Variants in CRYBG1 observed in about 807,000 individuals in gnomAD.
CRYBG1 encodes beta/gamma crystallin domain-containing protein 1.
CRYBG1 carries 139 observed loss-of-function variants against 189.2 expected under a neutral mutation model. That is an observed-to-expected ratio of 0.73 (90% CI 0.64 to 0.85). CRYBG1 has a LOEUF of 0.85. Ranked by LOEUF, CRYBG1 falls within the 40% of genes least tolerant of loss-of-function variation. CRYBG1 has a pLI of 0.00. For synonymous variants in CRYBG1, 1,023 were observed against 1,017.1 expected (o/e 1.01, Z -0.11); for missense variants, 2,611 against 2,675.8 (o/e 0.98, Z 0.53).
intron 2 of CRYBG1, among the ~76,000 whole-genome samples, chr6:106,472,436 T>G (rs1248412767): frequency 6.6e-6 from 1 of 152,212 alleles, no homozygotes; most frequent in Non-Finnish European, 1.5e-5. Context: ...ATGTTTACCA[T>G]TTTGAATAAA....
chr6:106,484,657 T>G (rs376103435), intron 2 of CRYBG1, among the ~76,000 whole-genome samples: 2 of 152,286 alleles, frequency 1.3e-5, no homozygotes, highest in East Asian at 3.9e-4. Context: ...CTTTGGCTAC[T>G]CAGGTTCTTT....
rs993503074 is a variant in CRYBG1, at chr6:106,482,635, C to T, written c.313-28795C>T. Among the ~76,000 whole-genome samples, 12 of 152,064 alleles carry T rather than the reference C, an allele frequency of 7.9e-5. No individual in the cohort carries two copies. In the East Asian group the frequency reaches 9.7e-4, roughly 12 times the overall value. On this transcript the variant is annotated intron_variant, in intron 2 of 21. Transcript: ENST00000633556. ...CTAAAAATACAAAAAATTAGCTGGG[C>T]GTGGTGGCGGGCACCTGTATTCCCA...
chr6:106,369,271 CA>C (rs1375419170), intron 1 of CRYBG1, among the ~76,000 whole-genome samples: 2 of 152,166 alleles, frequency 1.3e-5, no homozygotes, highest in African/African-American at 4.8e-5. Flanking sequence ...ACACAATTAA[CA>C]AGTACCTTTT....
chr6:106,406,329 A>G (rs560697210), intron 1 of CRYBG1, among the ~76,000 whole-genome samples: 28 of 152,144 alleles, frequency 1.8e-4, no homozygotes, highest in Non-Finnish European at 3.5e-4. Flanking sequence ...GATTAGAGGG[A>G]AAAAAAATGA....
At chr6:106,534,526 C>G (rs781100257) in intron 8 of CRYBG1, among the ~76,000 whole-genome samples, 5 of 152,078 alleles carry the variant, frequency 3.3e-5, no homozygotes, top group Admixed American at 6.5e-5. Context: ...CACTGGTTCC[C>G]CTGAACTGGG....
chr6:106,524,393 T>C (rs984031689), intron 4 of CRYBG1, among the ~76,000 whole-genome samples: 10 of 151,920 alleles, frequency 6.6e-5, no homozygotes, highest in African/African-American at 1.7e-4. Flanking sequence ...AAACCCCATC[T>C]CTACTAAAAG....
intron 1 of CRYBG1, among the ~76,000 whole-genome samples, chr6:106,408,770 A>C (rs990650238): frequency 6.6e-6 from 1 of 152,210 alleles, no homozygotes; most frequent in Non-Finnish European, 1.5e-5. Flanking sequence ...AATGACAAAA[A>C]CCACATGATT....
intron 3 of CRYBG1, among the ~76,000 whole-genome samples, chr6:106,517,407 CACACAT>C (rs1773459602): frequency 7.0e-6 from 1 of 142,426 alleles, no homozygotes; most frequent in Non-Finnish European, 1.5e-5. Flanking sequence ...TATATACACA[CACACAT>C]ATATACACAT....
intron 2 of CRYBG1, among the ~76,000 whole-genome samples, chr6:106,493,559 T>C (rs1182971109): frequency 6.6e-6 from 1 of 152,174 alleles, no homozygotes; most frequent in African/African-American, 2.4e-5. Context: ...TGCAGCATTA[T>C]TCACAATAGT....
At position 106,367,584 on chromosome 6, in the gene CRYBG1, TA is replaced by T. The variant is rs35734014; in HGVS notation, c.173+6524del. 1.3e-3 allele frequency among the ~76,000 whole-genome samples: 136 copies of T among 103,398 alleles called. 2 individuals are homozygous for T. The highest frequency in any genetic ancestry group is 2.7e-3 in the African/African-American group (70 of 25,996). 67.8% of individuals were successfully genotyped at this position (103,398 alleles called of 152,430 possible). ...CCTGGCAACAGAGCCAGACTCTGTC[TA>T]AAAAAAAAAAAAAAAAAAAATCAAA... On this transcript the variant is annotated intron_variant, in intron 1 of 21. Coordinates refer to ENST00000633556, the MANE Select transcript of CRYBG1 (RefSeq NM_001371242.2).
chr6:106,489,010 T>A (rs1772655582), intron 2 of CRYBG1, among the ~76,000 whole-genome samples: 1 of 152,166 alleles, frequency 6.6e-6, no homozygotes, highest in Admixed American at 6.5e-5. Flanking sequence ...CCAGCAACTG[T>A]TCACACTGGA....
chr6:106,568,341 C>T (rs1212066750), intron 21 of CRYBG1, 131 bp from the exon 22 acceptor site: 1 of 689,812 alleles, frequency 1.4e-6, no homozygotes. Context: ...CCTGCCTTGC[C>T]TCCTTGAGGC....
chr6:106,469,919 G>C (rs1772195599), intron 2 of CRYBG1, among the ~76,000 whole-genome samples: 1 of 152,212 alleles, frequency 6.6e-6, no homozygotes, highest in East Asian at 1.9e-4. Context: ...AGAGTTATAG[G>C]CAGAGGAGTA....
Position 106,393,433 on chromosome 6 carries a change from C to T in CRYBG1, c.173+32352C>T, listed in dbSNP as rs1358446737. Among the ~76,000 whole-genome samples the T allele has an allele frequency of 4.6e-5, 7 of 152,304 alleles. No individual in the cohort carries two copies. In the South Asian group the frequency reaches 1.2e-3, roughly 27 times the overall value. ...CAAATAAGTTCCCTGGGGCATTCCT[C>T]CTACAGCCGGCTTCCCAGACTCCTC... is the stretch of plus-strand genomic sequence containing the variant. On this transcript the variant is annotated intron_variant, in intron 1 of 21. Transcript: ENST00000633556.
intron 2 of CRYBG1, among the ~76,000 whole-genome samples, chr6:106,510,524 C>T (rs1373199811): frequency 6.6e-6 from 1 of 152,262 alleles, no homozygotes; most frequent in African/African-American, 2.4e-5. Flanking sequence ...GCAGGCGGCC[C>T]GGCACCCTCG....
chr6:106,452,100 C>T (rs998759967), intron 2 of CRYBG1, among the ~76,000 whole-genome samples: 1 of 147,310 alleles, frequency 6.8e-6, no homozygotes. Flanking sequence ...TATATCAAAG[C>T]ACCATGATAA....
chr6:106,429,189 C>T (rs1160336717), intron 1 of CRYBG1, among the ~76,000 whole-genome samples: 2 of 152,188 alleles, frequency 1.3e-5, no homozygotes, highest in Non-Finnish European at 2.9e-5. Flanking sequence ...ACCTATTAGC[C>T]TTGCTAATCA....
chr6:106,561,221 C>G (rs1402248048), intron 19 of CRYBG1, 121 bp from the exon 20 acceptor site: 1 of 1,152,090 alleles, frequency 8.7e-7, no homozygotes, highest in African/African-American at 1.6e-5. Flanking sequence ...CTCTGAGACT[C>G]TTGAGTATGG....
intron 1 of CRYBG1, among the ~76,000 whole-genome samples, chr6:106,378,374 G>A (rs1411664824): frequency 6.6e-6 from 1 of 152,230 alleles, no homozygotes; most frequent in African/African-American, 2.4e-5. Flanking sequence ...GTGGCAAGGT[G>A]GAAGTGTGGG....
Sources: gnomAD v4.1 joint callset for allele counts (sites outside exome capture counted in the v4.1 genomes callset) on GRCh38, gnomAD v4.1.1 for gene constraint, MANE v1.5 for transcripts, NCBI Gene and HGNC (gene_info 2026-07-23, HGNC 2026-07-21) for gene names.